TAMALIN: variants seen among roughly 807,000 people sequenced by gnomAD.
TAMALIN encodes the protein trafficking regulator and scaffold protein tamalin, also known as protein TAMALIN.
Under a neutral mutation model 38.5 loss-of-function variants are expected in TAMALIN, and 9 were observed. The ratio of observed to expected loss-of-function variants is 0.23; its 90% confidence interval spans 0.14 to 0.41. The LOEUF (loss-of-function observed/expected upper bound fraction) is 0.41. Ranked by LOEUF, TAMALIN falls within the 10% of genes least tolerant of loss-of-function variation. The pLI, the probability that TAMALIN is intolerant of heterozygous loss-of-function variation, is 1.00. For missense variants in TAMALIN, 548 were observed against 554.1 expected, an observed-to-expected ratio of 0.99 and a Z score of 0.11; for synonymous variants, 306 against 256.5, an observed-to-expected ratio of 1.19 and a Z score of -1.85.
Position 52,012,889 on chromosome 12 carries a change from G to T in TAMALIN, c.455-798G>T, listed in dbSNP as rs561526625. 3.3e-5 allele frequency among the ~76,000 whole-genome samples: 5 copies of T among 152,270 alleles called. No homozygotes were observed. The East Asian group carries it at 9.7e-4, about 29-fold the overall frequency. On this transcript the variant is annotated intron_variant, in intron 4 of 7. Transcript: ENST00000293662. Reference sequence around the variant, plus strand: ...GCTTCTCTCCCACCACCAGAGGCTGGACTGATTATCTGTGGATCCATGAGG... The same window carrying T: ...GCTTCTCTCCCACCACCAGAGGCTGTACTGATTATCTGTGGATCCATGAGG...
Position 52,007,083 on chromosome 12 carries a change from G to A in TAMALIN, c.64G>A (p.Ala22Thr). Residue 22 changes from alanine (A) to threonine (T), a missense_variant, in exon 1 of 8, where the codon GCC (alanine) becomes ACC (threonine). Ala to Thr is a moderately conservative substitution (Grantham distance 58). Coordinates refer to ENST00000293662, the MANE Select transcript of TAMALIN (RefSeq NM_181711.4). The surrounding 1 kb of genome is among the most constrained non-coding windows in gnomAD (Gnocchi z 6.7). ...GGAGGCGGCGGCCACCCCGGACCCC[G>A]CCGCCCGGACTCCCGACTCGGAAGT... ...KEEAAATPDP[A>T]ARTPDSEVAP... 6.8e-7 allele frequency: 1 copy of A among 1,475,662 alleles called. No homozygotes were observed. The highest frequency in any genetic ancestry group is 2.4e-5 in the Admixed American group (1 of 41,416). 91.4% of individuals were successfully genotyped at this position (1,475,662 alleles called of 1,614,324 possible).
intron 4 of TAMALIN, among the ~76,000 whole-genome samples, chr12:52,012,353 A>G (rs900480538): frequency 3.3e-5 from 5 of 152,122 alleles, no homozygotes; most frequent in African/African-American, 4.8e-5. Context: ...TCCCAGATTC[A>G]AGCAATTCTC....
chr12:52,013,372 C>G lies in TAMALIN; in HGVS notation c.455-315C>G, dbSNP rs183377493. On this transcript the variant is annotated intron_variant, in intron 4 of 7. Coordinates refer to ENST00000293662, the MANE Select transcript of TAMALIN (RefSeq NM_181711.4). ...GATTACAGGCGTGAGCCACCGCGCC[C>G]GGCCGGACAGAACTTCTTGAGGGCA... The G allele has an allele frequency of 9.5e-3, 2,864 of 301,972 alleles. 86 individuals carry two copies. The highest frequency in any genetic ancestry group is 0.055 in the African/African-American group (2,647 of 47,712). 18.7% of individuals were successfully genotyped at this position (301,972 alleles called of 1,614,324 possible). A position where few individuals can be genotyped will look rare whatever the true frequency, so the allele number is the denominator to read the frequency against.
chr12:52,014,988 C>A lies in TAMALIN; in HGVS notation c.977C>A (p.Ala326Asp), dbSNP rs1056359331. The A allele has an allele frequency of 6.0e-5, 59 of 976,914 alleles. No homozygotes were observed. Among genetic ancestry groups the A allele is most frequent in the Non-Finnish European group, 6.1e-5 (50 of 821,084 alleles). The allele number at this position is 976,914 out of a possible 1,614,324, so 60.5% of individuals were successfully genotyped here. ...GTGGGGCCGGGCCCTGGGCCGCGGG[C>A]CGCGCTGAGCCGCAGCGCCAGTGTG... Reference protein sequence around the residue: ...PAVGPGPGPRAALSRSASVRC... With the variant: ...PAVGPGPGPRDALSRSASVRC... The change falls in exon 8 of 8, where the codon GCC (alanine) becomes GAC (aspartate). Residue 326 changes from alanine to aspartate, a missense_variant. Physicochemically the swap from Ala to Asp is moderately radical, Grantham distance 126. Coordinates refer to ENST00000293662, the MANE Select transcript of TAMALIN (RefSeq NM_181711.4).
intron 2 of TAMALIN, chr12:52,010,464 C>G (rs1942484239): frequency 9.8e-7 from 1 of 1,023,950 alleles, no homozygotes; most frequent in African/African-American, 1.7e-5. Flanking sequence ...CTTGCTGAGC[C>G]TCGTGACTGG....
At chr12:52,013,851 C>T (rs750201459) in intron 5 of TAMALIN, 26 bp from the exon 6 acceptor site, 131 of 1,613,740 alleles carry the variant, frequency 8.1e-5, no homozygotes, top group Non-Finnish European at 1.1e-4. Flanking sequence ...CTGTGGCTCA[C>T]TCAGGCTTTG....
At position 52,007,399 on chromosome 12, in the gene TAMALIN, G is replaced by A; in HGVS notation, c.246+134G>A. 1 of 1,268,488 alleles carries A rather than the reference G, an allele frequency of 7.9e-7. No individual in the cohort carries two copies. The highest frequency in any genetic ancestry group is 9.9e-7 in the Non-Finnish European group (1 of 1,008,324). The allele number at this position is 1,268,488 out of a possible 1,614,324, so 78.6% of individuals were successfully genotyped here. The stretch of plus-strand genomic sequence containing the variant: ...TCTTCCCCGGCCCGCTGGGTGCCTC[G>A]ACTCCCCGCGTTCCCCGCTGCTGCG... On this transcript the variant is annotated intron_variant, in intron 1 of 7. Coordinates refer to ENST00000293662, the MANE Select transcript of TAMALIN (RefSeq NM_181711.4). The surrounding 1 kb of genome is among the most constrained non-coding windows in gnomAD (Gnocchi z 6.7).
intron 1 of TAMALIN, chr12:52,008,276 A>C (rs903727759): frequency 1.0e-6 from 1 of 985,350 alleles, no homozygotes; most frequent in African/African-American, 1.7e-5. Context: ...TGGGCTGTGC[A>C]GGCTCCAAAG....
intron 1 of TAMALIN, 49 bp from the exon 2 acceptor site, chr12:52,009,141 C>T: frequency 6.3e-7 from 1 of 1,591,518 alleles, no homozygotes; most frequent in Non-Finnish European, 8.6e-7. Context: ...AGTGTCTGCT[C>T]AAGGACAGTC....
In TAMALIN at chr12:52,007,625, C is replaced by G; in HGVS notation, c.246+360C>G. The G allele has an allele frequency of 6.1e-6, 6 of 985,378 alleles. No individual in the cohort carries two copies. Among genetic ancestry groups the G allele is most frequent in the Non-Finnish European group, 7.2e-6 (6 of 829,892 alleles). 61.0% of individuals were successfully genotyped at this position (985,378 alleles called of 1,614,324 possible). ...CCCCAGGAGCCCCTCGCCCGAGGGA[C>G]AGAGACAGCCCCAGGCAAGTTGAAG... On this transcript the variant is annotated intron_variant, in intron 1 of 7. Coordinates refer to ENST00000293662, the MANE Select transcript of TAMALIN (RefSeq NM_181711.4). The surrounding 1 kb of genome is among the most constrained non-coding windows in gnomAD (Gnocchi z 6.7).
Position 52,015,086 on chromosome 12 carries a change from G to C in TAMALIN, c.1075G>C (p.Ala359Pro), listed in dbSNP as rs1352802067. Residue 359 changes from alanine to proline, a missense_variant, in exon 8 of 8, where the codon GCC (alanine) becomes CCC (proline). Physicochemically the swap from Ala to Pro is conservative, Grantham distance 27. Around this residue, in one of 3 missense-constraint regions of TAMALIN, gnomAD observed 415 missense variants for 417.0 expected, o/e 1.00. Coordinates refer to ENST00000293662, the MANE Select transcript of TAMALIN (RefSeq NM_181711.4). ...GALWTEAREQ[A>P]LCGPGLRKTK... ...GCTCTGGACTGAGGCTCGCGAGCAG[G>C]CCCTATGCGGCCCCGGCCTGCGCAA... 1.3e-6 allele frequency: 2 copies of C among 1,540,018 alleles called. No homozygotes were observed. The highest frequency in any genetic ancestry group is 8.7e-7 in the Non-Finnish European group (1 of 1,151,108).
At chr12:52,008,207 C>G in intron 1 of TAMALIN, 1 of 985,424 alleles carries the variant, frequency 1.0e-6, no homozygotes, top group Non-Finnish European at 1.2e-6. Flanking sequence ...TGAACCTTCT[C>G]TTCCTTGCCT....
At position 52,011,256 on chromosome 12, in the gene TAMALIN, G is replaced by A; in HGVS notation, c.454+115G>A. On this transcript the variant is annotated intron_variant, in intron 4 of 7. Transcript: ENST00000293662. The surrounding 1 kb of genome is among the most constrained non-coding windows in gnomAD (Gnocchi z 5.3). The stretch of plus-strand genomic sequence containing the variant: ...ATTCCTCTTCCTTTTCCTTCTTTGA[G>A]AAGGCCAGAAAGAAGAATGGATAGA... 1 of 1,543,908 alleles carries A rather than the reference G, an allele frequency of 6.5e-7. No homozygotes were observed. Among genetic ancestry groups the A allele is most frequent in the Non-Finnish European group, 8.7e-7 (1 of 1,145,182 alleles).
In TAMALIN at chr12:52,007,075, C is replaced by G. The variant is rs1329588096; in HGVS notation, c.56C>G (p.Pro19Arg). 2.7e-6 allele frequency: 4 copies of G among 1,471,218 alleles called. No homozygotes were observed. The highest frequency in any genetic ancestry group is 3.6e-6 in the Non-Finnish European group (4 of 1,118,554). The allele number at this position is 1,471,218 out of a possible 1,614,324, so 91.1% of individuals were successfully genotyped here. A position where few individuals can be genotyped will look rare whatever the true frequency, so the allele number is the denominator to read the frequency against. Reference sequence around the variant, plus strand: ...CAGAAGGAGGAGGCGGCGGCCACCCCGGACCCCGCCGCCCGGACTCCCGAC... The same window carrying G: ...CAGAAGGAGGAGGCGGCGGCCACCCGGGACCCCGCCGCCCGGACTCCCGAC... The part of the protein sequence containing the change: ...LQQKEEAAAT[P>R]DPAARTPDSE... Residue 19 changes from proline (P) to arginine (R), a missense_variant, in exon 1 of 8, where the codon CCG becomes CGG. By Grantham distance (103) the Pro-to-Arg change is moderately radical. Coordinates refer to ENST00000293662, the MANE Select transcript of TAMALIN (RefSeq NM_181711.4). The surrounding 1 kb of genome is among the most constrained non-coding windows in gnomAD (Gnocchi z 6.7).
At chr12:52,014,341 C>T in intron 7 of TAMALIN, 140 bp downstream of exon 7, 1 of 752,790 alleles carries the variant, frequency 1.3e-6, no homozygotes, top group East Asian at 2.7e-5. Context: ...TGTTGAGCTA[C>T]TACTACTTTG....
Position 52,007,301 on chromosome 12 carries a change from C to G in TAMALIN, c.246+36C>G. 7.2e-7 allele frequency: 1 copy of G among 1,390,602 alleles called. No homozygotes were observed. Among genetic ancestry groups the G allele is most frequent in the Non-Finnish European group, 9.3e-7 (1 of 1,075,076 alleles). 86.1% of individuals were successfully genotyped at this position (1,390,602 alleles called of 1,614,324 possible). A position where few individuals can be genotyped will look rare whatever the true frequency, so the allele number is the denominator to read the frequency against. On this transcript the variant is annotated intron_variant, in intron 1 of 7. Coordinates refer to ENST00000293662, the MANE Select transcript of TAMALIN (RefSeq NM_181711.4). The surrounding 1 kb of genome is among the most constrained non-coding windows in gnomAD (Gnocchi z 6.7). ...CGCCCGCCTTCAGGATCTGCTCAGC[C>G]CCTCTCCGACTCCCTACAGGGCCTG...
At position 52,007,218 on chromosome 12, in the gene TAMALIN, C is replaced by T. The variant is rs369337869; in HGVS notation, c.199C>T (p.Leu67=). 3.3e-5 allele frequency: 48 copies of T among 1,452,892 alleles called. No individual in the cohort carries two copies. Among genetic ancestry groups the T allele is most frequent in the Middle Eastern group, 1.8e-4 (1 of 5,478 alleles). The allele number at this position is 1,452,892 out of a possible 1,614,324, so 90.0% of individuals were successfully genotyped here. ...GCTGGAGGACTATCACCCTGCCGAG[C>T]TGTACCGCGCGCTCGCCGTGTCCGG... is the stretch of plus-strand genomic sequence containing the variant. The part of the protein sequence containing the change: ...AALEDYHPAE[L]YRALAVSGGT... The change falls in exon 1 of 8, where the codon CTG becomes TTG. Residue 67 remains leucine, a synonymous_variant. Transcript: ENST00000293662. The surrounding 1 kb of genome is among the most constrained non-coding windows in gnomAD (Gnocchi z 6.7).
chr12:52,007,720 C>T lies in TAMALIN; in HGVS notation c.246+455C>T. 1.0e-6 allele frequency: 1 copy of T among 985,430 alleles called. No homozygotes were observed. Among genetic ancestry groups the T allele is most frequent in the Non-Finnish European group, 1.2e-6 (1 of 829,918 alleles). The allele number at this position is 985,430 out of a possible 1,614,324, so 61.0% of individuals were successfully genotyped here. The stretch of plus-strand genomic sequence containing the variant: ...CGTGCGTTCTCACTCTGAGGAAGTG[C>T]GTGGGGAGCCGCTGACTCCGGATAG... On this transcript the variant is annotated intron_variant, in intron 1 of 7. Coordinates refer to ENST00000293662, the MANE Select transcript of TAMALIN (RefSeq NM_181711.4). This position sits in a 1 kb window ranked among gnomAD's most constrained non-coding sequence, Gnocchi z 6.7.
At position 52,010,920 on chromosome 12, in the gene TAMALIN, C is replaced by T. The variant is rs749152655; in HGVS notation, c.336C>T (p.Phe112=). The change falls in exon 3 of 8, where the codon TTC becomes TTT. Residue 112 remains phenylalanine, a synonymous_variant. Coordinates refer to ENST00000293662, the MANE Select transcript of TAMALIN (RefSeq NM_181711.4). Reference sequence around the variant, plus strand: ...TGGAGAAGGAGGATAACCAGACCTTCGGCTTTGAGATCCAGGTGGGAGAAG... The same window carrying T: ...TGGAGAAGGAGGATAACCAGACCTTTGGCTTTGAGATCCAGGTGGGAGAAG... ...LTLEKEDNQT[F]GFEIQTYGLH... 37 of 1,614,062 alleles carry T rather than the reference C, an allele frequency of 2.3e-5. No homozygotes were observed. The highest frequency in any genetic ancestry group is 2.3e-4 in the African/African-American group (17 of 74,940).
Sources: allele counts gnomAD v4.1 joint callset (sites outside exome capture counted in the v4.1 genomes callset), GRCh38; gene constraint gnomAD v4.1.1; regional missense constraint gnomAD v4.1.1; non-coding constraint Gnocchi (gnomAD v3.1); transcripts MANE v1.5; gene names NCBI Gene and HGNC (gene_info 2026-07-23, HGNC 2026-07-21).